The following CELF2 variants were observed in gnomAD, a reference collection of about 807,000 sequenced individuals.
CELF2 encodes CUGBP Elav-like family member 2.
Under a neutral mutation model 62.6 loss-of-function variants are expected in CELF2, and 8 were observed. The ratio of observed to expected loss-of-function variants is 0.13; its 90% CI spans 0.07 to 0.23. CELF2 has a LOEUF of 0.23. CELF2 is among the 10% of genes least tolerant of loss of function. The pLI, the probability that CELF2 is intolerant of heterozygous loss-of-function variation, is 1.00. For synonymous variants in CELF2, 258 were observed against 250.0 expected (o/e 1.03, Z -0.30); for missense variants, 333 against 671.0 (o/e 0.50, Z 5.56).
intron 3 of CELF2, among the ~76,000 whole-genome samples, chr10:11,245,822 A>T (rs761270320): frequency 2.0e-5 from 3 of 152,206 alleles, no homozygotes; most frequent in Non-Finnish European, 4.4e-5. Context: ...CTCTTCAGTG[A>T]GTGAAGCATG....
rs541065091 is a variant in CELF2, at chr10:11,010,441, T to C, written c.53+5001T>C. The stretch of plus-strand genomic sequence containing the variant: ...TGCCCGTTGTAGGTTTTAACAAAGA[T>C]AGGGGTGGGGGTGTTGAAATAAGGA... On this transcript the variant is annotated intron_variant, in intron 1 of 12. Coordinates refer to the CELF2 transcript ENST00000416382. The surrounding 1 kb of genome is among the most constrained non-coding windows in gnomAD (Gnocchi z 4.1). 6.6e-6 allele frequency among the ~76,000 whole-genome samples: 1 copy of C among 152,278 alleles called. No individual in the cohort carries two copies. Among genetic ancestry groups the C allele is most frequent in the Admixed American group, 6.5e-5 (1 of 15,298 alleles).
the CELF2 span, among the ~76,000 whole-genome samples, chr10:10,556,015 C>G: frequency 0.14 from 20,679 of 152,076 alleles, 1,558 homozygotes; most frequent in East Asian, 0.23. Context: ...TAATAGCCTG[C>G]ATTTTTTCCA....
the CELF2 span, among the ~76,000 whole-genome samples, chr10:10,667,274 C>T: frequency 6.6e-6 from 1 of 152,174 alleles, no homozygotes. Context: ...TTGGGGTCAA[C>T]TTTCTATTTT....
chr10:11,113,101 A>G (rs963772177), intron 1 of CELF2, among the ~76,000 whole-genome samples: 4 of 152,264 alleles, frequency 2.6e-5, no homozygotes, highest in African/African-American at 4.8e-5. Flanking sequence ...GGGAAAGCCA[A>G]TGAACAGGGA....
chr10:11,179,713 G>C (rs1167197112), intron 2 of CELF2, among the ~76,000 whole-genome samples: 1 of 152,164 alleles, frequency 6.6e-6, no homozygotes, highest in African/African-American at 2.4e-5. Flanking sequence ...GCGTGTGCCT[G>C]TGTTGGGGAG....
chr10:11,283,710 T>C (rs1458316451), intron 8 of CELF2, among the ~76,000 whole-genome samples: 6 of 149,678 alleles, frequency 4.0e-5, no homozygotes, highest in African/African-American at 1.5e-4. Flanking sequence ...GTCAAATATG[T>C]CCTGGAGGGG....
the CELF2 span, among the ~76,000 whole-genome samples, chr10:10,506,670 A>ATTTTTTTTTTTTTTTTTTTTTTTTTT: frequency 7.7e-5 from 5 of 64,556 alleles, 2 homozygotes; most frequent in Non-Finnish European, 8.1e-5. Context: ...CCTCCTGTGA[A>ATTTTTTTTTTTTTTTTTTTTTTTTTT]TTTTTTTTTT....
In CELF2 at chr10:11,309,134, A is replaced by C. The variant is rs1293284724; in HGVS notation, c.977-5005A>C. On this transcript the variant is annotated intron_variant, in intron 9 of 12. Coordinates refer to ENST00000633077, the MANE Select transcript of CELF2 (RefSeq NM_001326342.2). The surrounding 1 kb of genome is among the most constrained non-coding windows in gnomAD (Gnocchi z 5.6). ...CTAACATCTGGGCCCTCTTACGCAC[A>C]GTTTCTGTTGTCTGCTGTCTGCTTT... Among the ~76,000 whole-genome samples the C allele has an allele frequency of 6.6e-6, 1 of 152,172 alleles. No homozygotes were observed. The highest frequency in any genetic ancestry group is 1.5e-5 in the Non-Finnish European group (1 of 68,042).
intron 2 of CELF2, among the ~76,000 whole-genome samples, chr10:11,188,933 A>G (rs2075663537): frequency 6.6e-6 from 1 of 152,054 alleles, no homozygotes; most frequent in African/African-American, 2.4e-5. Context: ...TTCATCTCAG[A>G]CATTGTAGTT....
At chr10:10,813,574 G>A (rs1590695578) in intron 1 of CELF2, among the ~76,000 whole-genome samples, 1 of 152,150 alleles carries the variant, frequency 6.6e-6, no homozygotes. Flanking sequence ...TCCTTCCTTG[G>A]CTGCCATTAT....
chr10:10,492,956 T>G, the CELF2 span, among the ~76,000 whole-genome samples: 2 of 152,162 alleles, frequency 1.3e-5, 1 homozygote, highest in South Asian at 4.2e-4. Context: ...TAGTAAGACG[T>G]GCCTTTCACC....
intron 8 of CELF2, among the ~76,000 whole-genome samples, chr10:11,287,523 C>G (rs2091636691): frequency 6.6e-6 from 1 of 152,212 alleles, no homozygotes; most frequent in Admixed American, 6.5e-5. Context: ...TCATAATTTT[C>G]ATGAGTCACA....
At chr10:10,480,105 C>A in the CELF2 span, among the ~76,000 whole-genome samples, 4 of 152,192 alleles carry the variant, frequency 2.6e-5, no homozygotes, top group Middle Eastern at 3.4e-3. Context: ...GTTCCTGGTT[C>A]TTTCTTCACC....
chr10:10,575,946 G>A, the CELF2 span, among the ~76,000 whole-genome samples: 6 of 152,134 alleles, frequency 3.9e-5, no homozygotes, highest in African/African-American at 7.2e-5. Context: ...CTCTGGATTC[G>A]GAGGAGTAAA....
chr10:10,939,090 G>A (rs963633364), intron 2 of CELF2, among the ~76,000 whole-genome samples: 5 of 150,464 alleles, frequency 3.3e-5, no homozygotes, highest in South Asian at 2.1e-4. Context: ...CAGTGTGGCC[G>A]CTATTGTAAC....
chr10:10,849,242 C>CAA (rs112921075), intron 1 of CELF2, among the ~76,000 whole-genome samples: 80 of 107,202 alleles, frequency 7.5e-4, no homozygotes, highest in African/African-American at 2.6e-3. Flanking sequence ...ACTAAAAATA[C>CAA]AAAAAAAAAA....
intron 1 of CELF2, among the ~76,000 whole-genome samples, chr10:10,857,581 A>G (rs1326836120): frequency 6.7e-6 from 1 of 149,280 alleles, no homozygotes; most frequent in Non-Finnish European, 1.5e-5. Context: ...ACTGAACTGT[A>G]CATTTTAAAA....
intron 12 of CELF2, 91 bp downstream of exon 12, chr10:11,326,070 AG>A: frequency 7.7e-7 from 1 of 1,290,656 alleles, no homozygotes; most frequent in East Asian, 2.3e-5. Context: ...CAGCCAGGAT[AG>A]GGCCTTCCCC....
intron 1 of CELF2, among the ~76,000 whole-genome samples, chr10:11,025,263 G>A (rs1346187169): frequency 3.0e-5 from 4 of 135,052 alleles, no homozygotes; most frequent in Non-Finnish European, 6.4e-5. Context: ...CTGTATATCT[G>A]GAAAGTCATC....
Sources: allele counts gnomAD v4.1 joint callset (sites outside exome capture counted in the v4.1 genomes callset), GRCh38; gene constraint gnomAD v4.1.1; non-coding constraint Gnocchi (gnomAD v3.1); transcripts MANE v1.5; gene names NCBI Gene and HGNC (gene_info 2026-07-23, HGNC 2026-07-21).